CTNNA2: variants seen among roughly 807,000 people sequenced by gnomAD.
CTNNA2 encodes catenin alpha-2.
CTNNA2 carries 42 observed loss-of-function variants against 101.0 expected under a neutral mutation model. That is an observed-to-expected ratio of 0.42 (90% confidence interval 0.32 to 0.54). The LOEUF is 0.54. CTNNA2 is among the 20% of genes least tolerant of loss of function. The pLI is 0.14. For synonymous variants in CTNNA2, 450 were observed against 456.4 expected, an observed-to-expected ratio of 0.99 and a Z score of 0.18; for missense variants, 871 against 1,223.1, an observed-to-expected ratio of 0.71 and a Z score of 4.29.
At chr2:80,258,643 C>A (rs969945059) in intron 7 of CTNNA2, among the ~76,000 whole-genome samples, 3 of 152,128 alleles carry the variant, frequency 2.0e-5, no homozygotes, top group Non-Finnish European at 2.9e-5. Flanking sequence ...TTTTCACATG[C>A]AATTCTGCAT....
chr2:80,608,054 A>C (rs969349389), intron 16 of CTNNA2, 130 bp from the exon 17 acceptor site: 3 of 795,876 alleles, frequency 3.8e-6, no homozygotes, highest in African/African-American at 1.7e-5. Flanking sequence ...GCACTGTGAA[A>C]AAGTTAAGTT....
At chr2:79,866,789 T>C (rs1159799296) in intron 4 of CTNNA2, among the ~76,000 whole-genome samples, 1 of 152,212 alleles carries the variant, frequency 6.6e-6, no homozygotes, top group Admixed American at 6.5e-5. Context: ...AAATGTATGA[T>C]TTTGCTAATA....
At chr2:80,069,695 AAT>A (rs2148775355) in intron 7 of CTNNA2, among the ~76,000 whole-genome samples, 1 of 152,326 alleles carries the variant, frequency 6.6e-6, no homozygotes, top group African/African-American at 2.4e-5. Flanking sequence ...AGATTTGCTT[AAT>A]ATATGTACGT....
intron 7 of CTNNA2, among the ~76,000 whole-genome samples, chr2:80,380,865 A>T (rs1029991335): frequency 3.3e-5 from 5 of 152,210 alleles, no homozygotes; most frequent in Non-Finnish European, 5.9e-5. Context: ...TTCTTTACAA[A>T]TTAACACAGC....
In CTNNA2 at chr2:80,412,501, G is replaced by A. The variant is rs1482203857; in HGVS notation, c.1138-6948G>A. ...TTGGCCAAAGAAATGAATTGAAATGGCACCAAACTAGTCCACTAATTGATC... is the reference window on the plus strand; with the variant it reads ...TTGGCCAAAGAAATGAATTGAAATGACACCAAACTAGTCCACTAATTGATC... On this transcript the variant is annotated intron_variant, in intron 8 of 18. Coordinates refer to ENST00000402739, the MANE Select transcript of CTNNA2 (RefSeq NM_001282597.3). Among the ~76,000 whole-genome samples, 3 of 152,168 alleles carry A rather than the reference G, an allele frequency of 2.0e-5. No homozygotes were observed. In the East Asian group the frequency reaches 5.8e-4, roughly 29 times the overall value.
intron 2 of CTNNA2, among the ~76,000 whole-genome samples, chr2:79,309,220 CATATT>C (rs1676312644): frequency 6.6e-6 from 1 of 151,866 alleles, no homozygotes; most frequent in African/African-American, 2.4e-5. Context: ...ATTTTATAAT[CATATT>C]GTGTGATTCC....
intron 2 of CTNNA2, among the ~76,000 whole-genome samples, chr2:79,669,356 G>A (rs536024445): frequency 9.2e-4 from 140 of 152,242 alleles, no homozygotes; most frequent in African/African-American, 3.2e-3. Flanking sequence ...TTGATCATGC[G>A]GGCTAGTCAG....
chr2:80,530,156 A>G (rs1690409490), intron 9 of CTNNA2, among the ~76,000 whole-genome samples: 1 of 152,138 alleles, frequency 6.6e-6, no homozygotes, highest in Admixed American at 6.5e-5. Flanking sequence ...TCACCTTGGA[A>G]AAAAAGGGAC....
chr2:79,927,780 C>T (rs1450425619), intron 7 of CTNNA2, among the ~76,000 whole-genome samples: 1 of 152,046 alleles, frequency 6.6e-6, no homozygotes, highest in Non-Finnish European at 1.5e-5. Flanking sequence ...ACTATTAGTG[C>T]TTTTGATTTA....
chr2:80,374,678 C>CGTGTGTGT (rs1337506974), intron 7 of CTNNA2, among the ~76,000 whole-genome samples: 9,109 of 142,400 alleles, frequency 0.064, 336 homozygotes, highest in East Asian at 0.19. Flanking sequence ...TGCGTGCGTG[C>CGTGTGTGT]GTGCGTGTGT....
intron 1 of CTNNA2, among the ~76,000 whole-genome samples, chr2:79,529,685 T>C (rs1339668207): frequency 6.9e-6 from 1 of 144,570 alleles, no homozygotes; most frequent in Admixed American, 7.2e-5. Flanking sequence ...GTCAGCAAAA[T>C]GAAAAAGAAA....
intron 3 of CTNNA2, among the ~76,000 whole-genome samples, chr2:79,784,006 A>C (rs1448954720): frequency 6.6e-6 from 1 of 152,174 alleles, no homozygotes; most frequent in Non-Finnish European, 1.5e-5. Context: ...TTTATGATTA[A>C]ATTAAAATGA....
At chr2:79,970,350 G>A (rs1311346552) in intron 7 of CTNNA2, among the ~76,000 whole-genome samples, 1 of 152,132 alleles carries the variant, frequency 6.6e-6, no homozygotes, top group South Asian at 2.1e-4. Flanking sequence ...AAAATGCCTT[G>A]GGGAAGAAAT....
chr2:80,314,828 A>G (rs753944272), intron 7 of CTNNA2, among the ~76,000 whole-genome samples: 49 of 152,244 alleles, frequency 3.2e-4, no homozygotes, highest in Non-Finnish European at 8.8e-5. Flanking sequence ...GAACAAGGTG[A>G]TGGCTGGAGG....
At chr2:79,435,983 T>G (rs1430900012) in intron 4 of CTNNA2, among the ~76,000 whole-genome samples, 1 of 152,158 alleles carries the variant, frequency 6.6e-6, no homozygotes, top group East Asian at 1.9e-4. Flanking sequence ...AGTAGTTACC[T>G]ATCTCTTACA....
At chr2:80,102,049 C>G (rs1266043289) in intron 7 of CTNNA2, among the ~76,000 whole-genome samples, 2 of 152,184 alleles carry the variant, frequency 1.3e-5, no homozygotes, top group Non-Finnish European at 1.5e-5. Context: ...CCCCTATCAG[C>G]AAACTGGGCA....
At chr2:79,444,691 G>C (rs1023753548) in intron 4 of CTNNA2, among the ~76,000 whole-genome samples, 1 of 151,990 alleles carries the variant, frequency 6.6e-6, no homozygotes, top group Non-Finnish European at 1.5e-5. Flanking sequence ...CTCAAAATGT[G>C]TATGTGTGTC....
chr2:80,637,752 A>G (rs949773299), intron 18 of CTNNA2, among the ~76,000 whole-genome samples: 4 of 152,148 alleles, frequency 2.6e-5, no homozygotes, highest in Admixed American at 6.5e-5. Flanking sequence ...TGAGAAGAGA[A>G]GTGAAAGAAT....
intron 4 of CTNNA2, among the ~76,000 whole-genome samples, chr2:79,389,515 T>A (rs1200695007): frequency 6.6e-6 from 1 of 152,212 alleles, no homozygotes; most frequent in Non-Finnish European, 1.5e-5. Flanking sequence ...TTGTGCCGAA[T>A]CAGTATATGT....
Sources: gnomAD v4.1 joint callset for allele counts (sites outside exome capture counted in the v4.1 genomes callset) on GRCh38, gnomAD v4.1.1 for gene constraint, MANE v1.5 for transcripts, NCBI Gene and HGNC (gene_info 2026-07-23, HGNC 2026-07-21) for gene names.